The following MED12L variants were observed in gnomAD, a reference collection of about 807,000 sequenced individuals.
The protein encoded by MED12L is mediator complex subunit 12L.
Under a neutral mutation model 281.3 loss-of-function variants are expected in MED12L, and 60 were observed. The ratio of observed to expected loss-of-function variants is 0.21; its 90% CI spans 0.17 to 0.26. The LOEUF is 0.26. Among genes scored for constraint, MED12L ranks in the 10% least tolerant of loss-of-function variants. The probability of loss-of-function intolerance (pLI) is 1.00; values close to 1 mark genes in which losing one functional copy is unlikely to be tolerated. For synonymous variants in MED12L, 974 were observed against 987.2 expected (o/e 0.99, Z 0.25); for missense variants, 2,146 against 2,680.9 (o/e 0.80, Z 4.41).
intron 27 of MED12L, among the ~76,000 whole-genome samples, chr3:151,373,182 T>C (rs1756399256): frequency 6.6e-6 from 1 of 152,168 alleles, no homozygotes; most frequent in Non-Finnish European, 1.5e-5. Context: ...TTCGATTTTA[T>C]TAATTGTCCC....
In MED12L at chr3:151,122,914, A is replaced by G. The variant is rs925472910; in HGVS notation, c.336A>G (p.Ala112=). 6.2e-7 allele frequency: 1 copy of G among 1,612,184 alleles called. No individual in the cohort carries two copies. The highest frequency in any genetic ancestry group is 1.3e-5 in the African/African-American group (1 of 74,872). ...YWLVTARSQS[A]IHSWFSDLAG... ...TGGTTACTGCTCGATCCCAGAGTGC[A>G]ATTCATAGTTGGTTTTCTGACTTAG... The change falls in exon 4 of 45, where the codon GCA becomes GCG. Residue 112 remains alanine, a synonymous_variant. Coordinates refer to ENST00000687756, the MANE Select transcript of MED12L (RefSeq NM_001393769.1).
chr3:151,382,391 C>A (rs1052500992), intron 32 of MED12L, among the ~76,000 whole-genome samples: 3 of 151,738 alleles, frequency 2.0e-5, no homozygotes, highest in Non-Finnish European at 4.4e-5. Context: ...ATTTGATGGC[C>A]CTCTCAAGCA....
intron 21 of MED12L, among the ~76,000 whole-genome samples, chr3:151,363,033 C>G (rs960966692): frequency 1.3e-5 from 2 of 151,972 alleles, no homozygotes; most frequent in African/African-American, 4.8e-5. Flanking sequence ...CTATTTGACC[C>G]TTAATACTCC....
chr3:151,316,405 C>T (rs941463323), intron 16 of MED12L: 2 of 151,384 alleles, frequency 1.3e-5, no homozygotes, highest in African/African-American at 4.9e-5. Flanking sequence ...TTCTGCCTGC[C>T]TGAGCTGGAA....
intron 16 of MED12L, among the ~76,000 whole-genome samples, chr3:151,301,193 A>G (rs1228629630): frequency 6.6e-6 from 1 of 152,134 alleles, no homozygotes; most frequent in Non-Finnish European, 1.5e-5. Flanking sequence ...AAAGAGGTAA[A>G]ACTCTACTTT....
At chr3:151,206,111 C>G (rs1345411566) in intron 16 of MED12L, among the ~76,000 whole-genome samples, 1 of 148,878 alleles carries the variant, frequency 6.7e-6, no homozygotes, top group Non-Finnish European at 1.5e-5. Flanking sequence ...TATTCTTTCC[C>G]ACCTGCGTTA....
Position 151,432,818 on chromosome 3 carries a change from G to C in MED12L, c.*14G>C. On this transcript the variant is annotated 3_prime_UTR_variant, in exon 45 of 45. Coordinates refer to ENST00000687756, the MANE Select transcript of MED12L (RefSeq NM_001393769.1). ...TCACACTTCTGAATCTGCAAGAGGA[G>C]AAGACATGACGTTTTATGTTTGCAC... The C allele has an allele frequency of 6.2e-7, 1 of 1,608,234 alleles. No homozygotes were observed. The highest frequency in any genetic ancestry group is 8.5e-7 in the Non-Finnish European group (1 of 1,175,730).
Position 151,190,823 on chromosome 3 carries a change from C to A in MED12L, c.1860C>A (p.Thr620=). Reference sequence around the variant, plus strand: ...TCTCCCATGACGCATACATGTGTACCCTCATATCTCGAGGAGATTTGTCAG... The same window carrying A: ...TCTCCCATGACGCATACATGTGTACACTCATATCTCGAGGAGATTTGTCAG... ...DVFSHDAYMC[T]LISRGDLSVT... The change falls in exon 14 of 45, where the codon ACC becomes ACA. Residue 620 remains threonine (T), a synonymous_variant. Transcript: ENST00000687756. 1 of 1,614,166 alleles carries A rather than the reference C, an allele frequency of 6.2e-7. No homozygotes were observed. The highest frequency in any genetic ancestry group is 8.5e-7 in the Non-Finnish European group (1 of 1,180,030).
chr3:151,173,734 CTGTT>C lies in MED12L; in HGVS notation c.1494+7756_1494+7759del, dbSNP rs563818415. 1.8e-4 allele frequency among the ~76,000 whole-genome samples: 28 copies of C among 152,284 alleles called. No homozygotes were observed. The East Asian group carries it at 4.1e-3, about 22-fold the overall frequency. On this transcript the variant is annotated intron_variant, in intron 11 of 44. Coordinates refer to ENST00000687756, the MANE Select transcript of MED12L (RefSeq NM_001393769.1). Reference sequence around the variant, plus strand: ...GCTTCAGATCTCCCTTAGTGTCAGTCTGTTTGTCTGTACAATGGCCTTACTAATA... The same window carrying C: ...GCTTCAGATCTCCCTTAGTGTCAGTCTGTCTGTACAATGGCCTTACTAATA...
At chr3:151,281,598 AT>A (rs1460561129) in intron 16 of MED12L, among the ~76,000 whole-genome samples, 15 of 152,034 alleles carry the variant, frequency 9.9e-5, no homozygotes, top group African/African-American at 3.6e-4. Flanking sequence ...AATAGTCAAT[AT>A]TTTCCTTTTA....
At chr3:151,352,084 C>T (rs1753303332) in intron 17 of MED12L, among the ~76,000 whole-genome samples, 1 of 152,066 alleles carries the variant, frequency 6.6e-6, no homozygotes, top group African/African-American at 2.4e-5. Flanking sequence ...GGATGAGACC[C>T]AAGTCTAAAC....
Position 151,238,177 on chromosome 3 carries a change from C to T in MED12L, c.2250+44511C>T, listed in dbSNP as rs371070163. On this transcript the variant is annotated intron_variant, in intron 16 of 44. Coordinates refer to ENST00000687756, the MANE Select transcript of MED12L (RefSeq NM_001393769.1). The stretch of plus-strand genomic sequence containing the variant: ...TTTCTTTTTTCTTGAGATGGAGTCT[C>T]GCTCTGTCACCCAGGCTGGAGTGCA... Among the ~76,000 whole-genome samples the T allele has an allele frequency of 3.8e-3, 577 of 149,958 alleles. 5 individuals are homozygous for T. Among genetic ancestry groups the T allele is most frequent in the African/African-American group, 0.013 (546 of 40,526 alleles).
At chr3:151,313,460 C>G (rs1479033248) in intron 16 of MED12L, among the ~76,000 whole-genome samples, 1 of 152,000 alleles carries the variant, frequency 6.6e-6, no homozygotes, top group East Asian at 1.9e-4. Flanking sequence ...AGCTGTGCTC[C>G]CTACTGTTAT....
intron 16 of MED12L, among the ~76,000 whole-genome samples, chr3:151,225,803 T>G (rs748121305): frequency 1.3e-5 from 2 of 152,214 alleles, no homozygotes; most frequent in Non-Finnish European, 1.5e-5. Flanking sequence ...ACCACACTTC[T>G]CAGAAGCTGT....
intron 16 of MED12L, among the ~76,000 whole-genome samples, chr3:151,267,022 A>G (rs1739971679): frequency 6.6e-6 from 1 of 152,226 alleles, no homozygotes; most frequent in Admixed American, 6.5e-5. Context: ...AATTACATCT[A>G]TACTGTAAAG....
chr3:151,097,905 G>T (rs974677928), intron 2 of MED12L, among the ~76,000 whole-genome samples: 1 of 152,206 alleles, frequency 6.6e-6, no homozygotes, highest in Non-Finnish European at 1.5e-5. Context: ...TAAGAGGAAG[G>T]TACAAAGTGC....
At position 151,260,462 on chromosome 3, in the gene MED12L, A is replaced by G. The variant is rs574939395; in HGVS notation, c.2250+66796A>G. On this transcript the variant is annotated intron_variant, in intron 16 of 44. Coordinates refer to ENST00000687756, the MANE Select transcript of MED12L (RefSeq NM_001393769.1). ...ACTCCTGGGTTTAAGCAGTCCTCCC[A>G]TATTAGCCTCCCAAGTAGCTGGGAC... 3.3e-5 allele frequency among the ~76,000 whole-genome samples: 5 copies of G among 152,182 alleles called. No homozygotes were observed. In the South Asian group the frequency reaches 1.0e-3, roughly 32 times the overall value.
At chr3:151,384,519 A>T (rs543414392) in intron 35 of MED12L, among the ~76,000 whole-genome samples, 2 of 152,342 alleles carry the variant, frequency 1.3e-5, no homozygotes, top group Admixed American at 1.3e-4. Context: ...GGATAACTCT[A>T]TGCTTGGACT....
At chr3:151,371,392 G>T (rs140007305) in intron 26 of MED12L, among the ~76,000 whole-genome samples, 2 of 152,306 alleles carry the variant, frequency 1.3e-5, no homozygotes, top group East Asian at 3.9e-4. Context: ...TTTTCTTTCA[G>T]CTCCTGAAGT....
Sources: allele counts gnomAD v4.1 joint callset (sites outside exome capture counted in the v4.1 genomes callset), GRCh38; gene constraint gnomAD v4.1.1; transcripts MANE v1.5; gene names NCBI Gene and HGNC (gene_info 2026-07-23, HGNC 2026-07-21).